The following CYLD variants were observed in gnomAD, a reference collection of about 807,000 sequenced individuals.
The protein encoded by CYLD is CYLD lysine 63 deubiquitinase, also known as ubiquitin carboxyl-terminal hydrolase CYLD.
In CYLD, 26 loss-of-function variants were observed where a neutral mutation model predicts 104.5. The ratio of observed to expected loss-of-function variants is 0.25; its 90% CI spans 0.18 to 0.35. The LOEUF is 0.35. Among genes scored for constraint, CYLD ranks in the 10% least tolerant of loss-of-function variants. The pLI, the probability that CYLD is intolerant of heterozygous loss-of-function variation, is 1.00. For synonymous variants in CYLD, 385 were observed against 399.9 expected (o/e 0.96, Z 0.45); for missense variants, 703 against 1,136.1 (o/e 0.62, Z 5.48).
At chr16:50,770,461 T>A (rs923257844) in intron 5 of CYLD, among the ~76,000 whole-genome samples, 1 of 151,688 alleles carries the variant, frequency 6.6e-6, no homozygotes, top group African/African-American at 2.4e-5. Flanking sequence ...TTCTTTTTTT[T>A]TTTTTTGAGA....
intron 4 of CYLD, among the ~76,000 whole-genome samples, chr16:50,753,435 A>G (rs1026520103): frequency 6.6e-6 from 1 of 152,116 alleles, no homozygotes; most frequent in Non-Finnish European, 1.5e-5. Context: ...CCTTTTTCAG[A>G]TGGCGGTCTG....
chr16:50,775,324 C>G, intron 6 of CYLD, 150 bp downstream of exon 6: 1 of 529,636 alleles, frequency 1.9e-6, no homozygotes, highest in Non-Finnish European at 3.2e-6. Flanking sequence ...CTAGAGTGGT[C>G]TTTGTATTCA....
intron 1 of CYLD, 100 bp from the exon 2 acceptor site, chr16:50,742,662 C>T (rs1421041266): frequency 1.3e-5 from 5 of 388,970 alleles, no homozygotes; most frequent in South Asian, 1.3e-4. Flanking sequence ...CGCCGCGGGG[C>T]GTACGTACCG....
chr16:50,766,716 T>A (rs922942917), intron 5 of CYLD, among the ~76,000 whole-genome samples: 5 of 152,124 alleles, frequency 3.3e-5, no homozygotes, highest in Non-Finnish European at 1.5e-5. Flanking sequence ...CCCTCATGGA[T>A]GACTTTGAGG....
chr16:50,763,199 A>C (rs2150947521), intron 5 of CYLD, among the ~76,000 whole-genome samples: 1 of 152,350 alleles, frequency 6.6e-6, no homozygotes, highest in Non-Finnish European at 1.5e-5. Flanking sequence ...CATGTGCCAG[A>C]ATTTCCGTCC....
intron 12 of CYLD, chr16:50,784,753 G>T: frequency 3.4e-6 from 1 of 296,220 alleles, no homozygotes; most frequent in African/African-American, 2.2e-5. Flanking sequence ...TAATACTTAG[G>T]ATTCTTATCT....
intron 16 of CYLD, among the ~76,000 whole-genome samples, chr16:50,793,332 G>A (rs1597090420): frequency 6.6e-6 from 1 of 152,222 alleles, no homozygotes; most frequent in East Asian, 1.9e-4. Context: ...TACTCTAGGA[G>A]ACACTATTTA....
At chr16:50,757,309 A>G (rs1967364461) in intron 5 of CYLD, among the ~76,000 whole-genome samples, 1 of 152,164 alleles carries the variant, frequency 6.6e-6, no homozygotes, top group South Asian at 2.1e-4. Flanking sequence ...ACAGCACATT[A>G]ATTTAGTTGG....
chr16:50,794,561 C>T lies in CYLD; in HGVS notation c.2686+133C>T. The T allele has an allele frequency of 1.2e-6, 1 of 866,688 alleles. No individual in the cohort carries two copies. Among genetic ancestry groups the T allele is most frequent in the Non-Finnish European group, 1.9e-6 (1 of 519,096 alleles). 53.7% of individuals were successfully genotyped at this position (866,688 alleles called of 1,614,324 possible). The stretch of plus-strand genomic sequence containing the variant: ...TCAGGATTATTCTGGTGACAACAGT[C>T]TTATATCTTGGATTGCATTAACAAC... On this transcript the variant is annotated intron_variant, in intron 18 of 18. Coordinates refer to ENST00000427738, the MANE Select transcript of CYLD (RefSeq NM_001378743.1). The surrounding 1 kb of genome is among the most constrained non-coding windows in gnomAD (Gnocchi z 4.1).
chr16:50,774,708 G>A (rs1262460842), intron 5 of CYLD, among the ~76,000 whole-genome samples: 1 of 152,134 alleles, frequency 6.6e-6, no homozygotes, highest in African/African-American at 2.4e-5. Context: ...GCAAGATTTC[G>A]TTATAATACT....
At chr16:50,779,409 G>A (rs189601046) in intron 8 of CYLD, among the ~76,000 whole-genome samples, 1 of 152,114 alleles carries the variant, frequency 6.6e-6, no homozygotes, top group East Asian at 1.9e-4. Context: ...AGACTATCAC[G>A]TATACGATAC....
chr16:50,764,446 G>C (rs1444666026), intron 5 of CYLD, among the ~76,000 whole-genome samples: 1 of 151,994 alleles, frequency 6.6e-6, no homozygotes, highest in Non-Finnish European at 1.5e-5. Flanking sequence ...GTTTATAAAA[G>C]CCTCTTAATT....
intron 5 of CYLD, among the ~76,000 whole-genome samples, chr16:50,768,425 A>G (rs1306709641): frequency 6.6e-6 from 1 of 152,166 alleles, no homozygotes; most frequent in Non-Finnish European, 1.5e-5. Flanking sequence ...CCGTGAAACA[A>G]AATTAATATT....
rs2066852 is a variant in CYLD at position 50,793,607 on chromosome 16, C to T, written c.2412C>T (p.Asp804=). 0.081 allele frequency: 130,203 copies of T among 1,613,574 alleles called. 7,015 individuals carry two copies. Among genetic ancestry groups the T allele is most frequent in the South Asian group, 0.23 (21,111 of 91,050 alleles). The change falls in exon 17 of 19, where the codon GAC becomes GAT. Residue 804 remains aspartate, a synonymous_variant. Coordinates refer to ENST00000427738, the MANE Select transcript of CYLD (RefSeq NM_001378743.1). ...LAMYECRECY[D]DPDISAGKIK... ...TGTATGAGTGTAGAGAATGCTACGA[C>T]GATCCGGACATCTCAGCTGGAAAAA...
rs1022709620 is a variant in CYLD at position 50,794,896 on chromosome 16, C to T, written c.2686+468C>T. On this transcript the variant is annotated intron_variant, in intron 18 of 18. Coordinates refer to ENST00000427738, the MANE Select transcript of CYLD (RefSeq NM_001378743.1). The surrounding 1 kb of genome is among the most constrained non-coding windows in gnomAD (Gnocchi z 4.1). ...TTTTCCTCTCGATGTGCTGGGATTA[C>T]AAGAGGAGCCAGTGCACCCAGCCTC... The T allele has an allele frequency of 4.7e-6, 1 of 210,800 alleles. No individual in the cohort carries two copies. Among genetic ancestry groups the T allele is most frequent in the Admixed American group, 5.3e-5 (1 of 18,948 alleles). The allele number at this position is 210,800 out of a possible 1,614,324, so 13.1% of individuals were successfully genotyped here.
rs191196473 is a variant in CYLD, at chr16:50,778,761, C to T, written c.1138+820C>T. ...AAACAGGCCTGACTCTGTGGTCTCC[C>T]AGCCTTTAGAGTTTTGCCTGCCACA... On this transcript the variant is annotated intron_variant, in intron 8 of 18. Transcript: ENST00000427738. Among the ~76,000 whole-genome samples, 11 of 152,324 alleles carry T rather than the reference C, an allele frequency of 7.2e-5. No homozygotes were observed. In the East Asian group the frequency reaches 1.7e-3, roughly 24 times the overall value.
At chr16:50,778,453 A>G (rs1969897964) in intron 8 of CYLD, among the ~76,000 whole-genome samples, 1 of 152,212 alleles carries the variant, frequency 6.6e-6, no homozygotes, top group Non-Finnish European at 1.5e-5. Flanking sequence ...ACAACCACAG[A>G]CACAGTAGAG....
intron 5 of CYLD, among the ~76,000 whole-genome samples, chr16:50,764,789 A>G (rs748294600): frequency 6.6e-6 from 1 of 152,154 alleles, no homozygotes; most frequent in South Asian, 2.1e-4. Context: ...CCTCTAATGC[A>G]TGGAGACCAG....
rs1032379984 is a variant in CYLD, at chr16:50,742,913, G to C, written c.-124+72G>C. On this transcript the variant is annotated intron_variant, in intron 2 of 18. Transcript: ENST00000427738. ...TGGGGGGCGAATGGGGGGCGGGGGC[G>C]AAGTCATGAAATCTTCAGGAGATGG... 21 of 396,952 alleles carry C rather than the reference G, an allele frequency of 5.3e-5. 1 individual carries two copies. The highest frequency in any genetic ancestry group is 4.1e-4 in the African/African-American group (20 of 48,658). The allele number at this position is 396,952 out of a possible 1,614,324, so 24.6% of individuals were successfully genotyped here.
Sources: gnomAD v4.1 joint callset for allele counts (sites outside exome capture counted in the v4.1 genomes callset) on GRCh38, gnomAD v4.1.1 for gene constraint, Gnocchi (gnomAD v3.1) non-coding constraint, MANE v1.5 for transcripts, NCBI Gene and HGNC (gene_info 2026-07-23, HGNC 2026-07-21) for gene names.